Variants in AGPAT3 observed in about 807,000 individuals in gnomAD.
The protein encoded by AGPAT3 is 1-acylglycerol-3-phosphate O-acyltransferase 3.
AGPAT3 carries 5 observed loss-of-function variants against 47.3 expected under a neutral mutation model. That is an observed-to-expected ratio of 0.11 (90% CI 0.06 to 0.22). The LOEUF is 0.22. Among genes scored for constraint, AGPAT3 ranks in the 10% least tolerant of loss-of-function variants. AGPAT3 has a pLI of 1.00. For missense variants in AGPAT3, 315 were observed against 493.0 expected (o/e 0.64, Z 3.42); for synonymous variants, 212 against 208.3 (o/e 1.02, Z -0.15).
chr21:43,975,828 C>T (rs2089599791), intron 7 of AGPAT3, among the ~76,000 whole-genome samples: 1 of 152,198 alleles, frequency 6.6e-6, no homozygotes, highest in Non-Finnish European at 1.5e-5. Context: ...CTCGGGGCAG[C>T]CCAGCTGTCC....
rs1446254901 is a variant in AGPAT3 at position 43,880,125 on chromosome 21, C to T, written c.-112+14780C>T. Among the ~76,000 whole-genome samples, 1 of 152,222 alleles carries T rather than the reference C, an allele frequency of 6.6e-6. No individual in the cohort carries two copies. The highest frequency in any genetic ancestry group is 2.4e-5 in the African/African-American group (1 of 41,448). ...AAACTCAGGGTGTGGACTTGAGCTT[C>T]GACATCAGTTGGCACTGGCCTTTTG... On this transcript the variant is annotated intron_variant, in intron 1 of 9. Coordinates refer to ENST00000291572, the MANE Select transcript of AGPAT3 (RefSeq NM_020132.5). The surrounding 1 kb of genome is among the most constrained non-coding windows in gnomAD (Gnocchi z 4.5).
In AGPAT3 at chr21:43,960,316, G is replaced by A. The variant is rs542476144; in HGVS notation, c.178+457G>A. 3.9e-5 allele frequency among the ~76,000 whole-genome samples: 6 copies of A among 152,296 alleles called. No individual in the cohort carries two copies. The East Asian group carries it at 9.6e-4, about 24-fold the overall frequency. On this transcript the variant is annotated intron_variant, in intron 3 of 9. Coordinates refer to ENST00000291572, the MANE Select transcript of AGPAT3 (RefSeq NM_020132.5). ...CACATGTGTAGCTGTGTGTCTGTCC[G>A]TATGTGCCTCTGTGCGTATGTGTAT...
At chr21:43,976,114 C>CTGGA (rs1292364088) in intron 7 of AGPAT3, among the ~76,000 whole-genome samples, 1 of 150,828 alleles carries the variant, frequency 6.6e-6, no homozygotes, top group Non-Finnish European at 1.5e-5. Flanking sequence ...GTCACCCAGG[C>CTGGA]TGGAGTGCAG....
At chr21:43,893,835 A>G (rs1350295619) in intron 1 of AGPAT3, among the ~76,000 whole-genome samples, 1 of 152,222 alleles carries the variant, frequency 6.6e-6, no homozygotes, top group East Asian at 1.9e-4. Context: ...ACTGAAAACA[A>G]TTATGGTAGG....
chr21:43,967,965 G>A lies in AGPAT3; in HGVS notation c.198G>A (p.Glu66=), dbSNP rs758890874. 2 of 1,614,044 alleles carry A rather than the reference G, an allele frequency of 1.2e-6. No homozygotes were observed. The highest frequency in any genetic ancestry group is 3.3e-5 in the Admixed American group (2 of 60,018). Residue 66 remains glutamate, a synonymous_variant, in exon 4 of 10, where the codon GAG becomes GAA. Transcript: ENST00000291572. ...CCGCAGAACTGGTCATGCTGCTGGA[G>A]TGGTGGTCCTGCACGGAGTGTACAC... is the stretch of plus-strand genomic sequence containing the variant. The part of the protein sequence containing the change: ...SLWSQLVMLL[E]WWSCTECTLF...
intron 2 of AGPAT3, among the ~76,000 whole-genome samples, chr21:43,913,024 T>G (rs2086659815): frequency 6.6e-6 from 1 of 152,206 alleles, no homozygotes; most frequent in Non-Finnish European, 1.5e-5. Context: ...TATTTAGTAC[T>G]GGCCCCTGCT....
At chr21:43,921,002 A>G (rs141471419) in intron 2 of AGPAT3, among the ~76,000 whole-genome samples, 3 of 152,188 alleles carry the variant, frequency 2.0e-5, no homozygotes, top group African/African-American at 4.8e-5. Context: ...AGTTCCAGCT[A>G]CTCAGCAGGC....
intron 2 of AGPAT3, among the ~76,000 whole-genome samples, chr21:43,928,090 G>A (rs1485840573): frequency 2.0e-5 from 3 of 152,228 alleles, no homozygotes; most frequent in African/African-American, 7.2e-5. Context: ...GCCGGACGCA[G>A]CTCCCGGACG....
At chr21:43,959,946 G>C in intron 3 of AGPAT3, 87 bp downstream of exon 3, 7 of 1,417,428 alleles carry the variant, frequency 4.9e-6, no homozygotes, top group Non-Finnish European at 5.7e-6. Flanking sequence ...TGGGCTCTCA[G>C]GCAGGAAGTG....
intron 3 of AGPAT3, 130 bp downstream of exon 3, chr21:43,959,989 C>A: frequency 2.0e-6 from 2 of 1,021,994 alleles, no homozygotes; most frequent in Non-Finnish European, 2.8e-6. Flanking sequence ...GGCCATCTGG[C>A]TGGCAGGCTG....
At chr21:43,961,650 T>C (rs2088863717) in intron 3 of AGPAT3, among the ~76,000 whole-genome samples, 2 of 151,022 alleles carry the variant, frequency 1.3e-5, no homozygotes, top group African/African-American at 4.9e-5. Flanking sequence ...GTATACGCTT[T>C]GTCTCATGTG....
At position 43,981,184 on chromosome 21, in the gene AGPAT3, G is replaced by A; in HGVS notation, c.1039G>A (p.Ala347Thr). ...CCTGACTTTCTTGGGGTTTGTGGGA[G>A]CAGGTAATGGACACTGTCGCTAACA... Reference protein sequence around the residue: ...LILTFLGFVGAASFGVRRLIG... With the variant: ...LILTFLGFVGTASFGVRRLIG... The change falls in exon 9 of 10, where the codon GCA (alanine) becomes ACA (threonine). Residue 347 changes from alanine (A) to threonine (T), a missense_variant. Physicochemically the swap from Ala to Thr is moderately conservative, Grantham distance 58 (BLOSUM62 0). Coordinates refer to ENST00000291572, the MANE Select transcript of AGPAT3 (RefSeq NM_020132.5). This position sits in a 1 kb window ranked among gnomAD's most constrained non-coding sequence, Gnocchi z 5.3. The A allele has an allele frequency of 6.2e-6, 10 of 1,614,166 alleles. No homozygotes were observed. The highest frequency in any genetic ancestry group is 8.5e-6 in the Non-Finnish European group (10 of 1,180,030).
At chr21:43,977,242 T>C (rs2089651903) in intron 7 of AGPAT3, among the ~76,000 whole-genome samples, 1 of 152,220 alleles carries the variant, frequency 6.6e-6, no homozygotes, top group Non-Finnish European at 1.5e-5. Flanking sequence ...ATAATGGAGA[T>C]GAAAATGCCT....
chr21:43,881,697 C>T (rs2123586424), intron 1 of AGPAT3, among the ~76,000 whole-genome samples: 1 of 152,212 alleles, frequency 6.6e-6, no homozygotes, highest in South Asian at 2.1e-4. Flanking sequence ...GCTCTGTCGC[C>T]CAGGCTGGAG....
At chr21:43,929,725 G>C (rs953658364) in intron 2 of AGPAT3, among the ~76,000 whole-genome samples, 1 of 152,220 alleles carries the variant, frequency 6.6e-6, no homozygotes, top group South Asian at 2.1e-4. Flanking sequence ...GAGAAGACGC[G>C]GCCCACATTC....
In AGPAT3 at chr21:43,983,074, C is replaced by T. The variant is rs1453371295; in HGVS notation, c.*682C>T. ...TGACCTTGTGTGTAAATACGTACAT[C>T]TGTTTTTAAAGTGGATGGGCCCCTG... On this transcript the variant is annotated 3_prime_UTR_variant, in exon 10 of 10. Transcript: ENST00000291572. 2 of 152,326 alleles carry T rather than the reference C, an allele frequency of 1.3e-5. No homozygotes were observed. The highest frequency in any genetic ancestry group is 6.5e-5 in the Admixed American group (1 of 15,292). The allele number at this position is 152,326 out of a possible 1,614,324, so 9.4% of individuals were successfully genotyped here.
At position 43,983,729 on chromosome 21, in the gene AGPAT3, C is replaced by A. The variant is rs1173773886; in HGVS notation, c.*1337C>A. On this transcript the variant is annotated 3_prime_UTR_variant, in exon 10 of 10. Transcript: ENST00000291572. The stretch of plus-strand genomic sequence containing the variant: ...GCAATGGCAGTGGTAGAACGCTCAA[C>A]TTGGTTGCGGTACCATCAGCCCACC... The A allele has an allele frequency of 6.6e-6, 1 of 152,278 alleles. No individual in the cohort carries two copies. Among genetic ancestry groups the A allele is most frequent in the Non-Finnish European group, 1.5e-5 (1 of 68,046 alleles). The allele number at this position is 152,278 out of a possible 1,614,324, so 9.4% of individuals were successfully genotyped here. A position where few individuals can be genotyped will look rare whatever the true frequency, so the allele number is the denominator to read the frequency against.
chr21:43,909,716 C>T (rs1056712399), intron 2 of AGPAT3, among the ~76,000 whole-genome samples: 18 of 152,202 alleles, frequency 1.2e-4, no homozygotes, highest in African/African-American at 4.1e-4. Context: ...CTTGCTCTGC[C>T]CTCGTTGCAG....
At chr21:43,871,043 A>G (rs925358739) in intron 1 of AGPAT3, among the ~76,000 whole-genome samples, 8 of 152,198 alleles carry the variant, frequency 5.3e-5, no homozygotes, top group African/African-American at 1.9e-4. Context: ...TTTTATATGC[A>G]ATGTATTTAT....
Sources: allele counts gnomAD v4.1 joint callset (sites outside exome capture counted in the v4.1 genomes callset), GRCh38; gene constraint gnomAD v4.1.1; non-coding constraint Gnocchi (gnomAD v3.1); transcripts MANE v1.5; gene names NCBI Gene and HGNC (gene_info 2026-07-23, HGNC 2026-07-21).